The following JARID2 variants were observed in gnomAD, a reference collection of about 807,000 sequenced individuals.
JARID2 encodes protein Jumonji.
A neutral mutation model predicts 125.6 loss-of-function variants in JARID2; 21 were observed. That is an observed-to-expected ratio of 0.17 (90% CI 0.12 to 0.24). JARID2 has a LOEUF of 0.24. Among genes scored for constraint, JARID2 ranks in the 10% least tolerant of loss-of-function variants. The pLI, the probability that JARID2 is intolerant of heterozygous loss-of-function variation, is 1.00. For missense variants in JARID2, 1,303 were observed against 1,639.6 expected (o/e 0.79, Z 3.55); for synonymous variants, 736 against 661.6 (o/e 1.11, Z -1.73).
chr6:15,374,273 T>C lies in JARID2; in HGVS notation c.181+21T>C. ...GAATGGTGAGTTGACTCTTGGAATA[T>C]CTCATTGGAATGTACAATATCTCTG... On this transcript the variant is annotated intron_variant, in intron 2 of 17. Coordinates refer to ENST00000341776, the MANE Select transcript of JARID2 (RefSeq NM_004973.4). The C allele has an allele frequency of 1.9e-6, 3 of 1,612,496 alleles. No homozygotes were observed. The Admixed American group carries it at 5.0e-5, about 27-fold the overall frequency.
In JARID2 at chr6:15,421,411, TAAAA is replaced by T. The variant is rs561366543; in HGVS notation, c.323+11056_323+11059del. ...CTTTTCATTTAGTTTTGTTAGTCTT[TAAAA>T]AAAAAAAAAGGTGAACAGCGTAAGT... On this transcript the variant is annotated intron_variant, in intron 3 of 17. Transcript: ENST00000341776. 9.3e-3 allele frequency among the ~76,000 whole-genome samples: 1,302 copies of T among 139,320 alleles called. 24 individuals carry two copies. The highest frequency in any genetic ancestry group is 0.032 in the African/African-American group (1,224 of 38,104). 91.4% of individuals were successfully genotyped at this position (139,320 alleles called of 152,430 possible).
At chr6:15,355,213 T>TTTTAA (rs200555711) in intron 1 of JARID2, among the ~76,000 whole-genome samples, 10 of 152,176 alleles carry the variant, frequency 6.6e-5, no homozygotes, top group African/African-American at 2.4e-4. Context: ...ATAAGCTACT[T>TTTTAA]TTTAATTTAA....
chr6:15,458,695 A>T (rs1768306972), intron 4 of JARID2, among the ~76,000 whole-genome samples: 1 of 152,246 alleles, frequency 6.6e-6, no homozygotes, highest in South Asian at 2.1e-4. Context: ...TGTACCCATT[A>T]AAGCAGGAAG....
chr6:15,420,220 T>C (rs1326375583), intron 3 of JARID2, among the ~76,000 whole-genome samples: 6 of 152,096 alleles, frequency 3.9e-5, no homozygotes, highest in African/African-American at 1.4e-4. Flanking sequence ...CTGGCCAACA[T>C]GGTGAAACCC....
chr6:15,314,034 G>T (rs1044925104), intron 1 of JARID2, among the ~76,000 whole-genome samples: 1 of 152,126 alleles, frequency 6.6e-6, no homozygotes, highest in Admixed American at 6.5e-5. Flanking sequence ...AAGGCCCAAG[G>T]TGTCCTGATG....
chr6:15,451,964 G>C (rs1325116232), intron 3 of JARID2, 42 bp from the exon 4 acceptor site: 3 of 1,600,072 alleles, frequency 1.9e-6, no homozygotes, highest in African/African-American at 2.7e-5. Context: ...ATATCCTCCA[G>C]TCTCTGCTTA....
Position 15,327,528 on chromosome 6 carries a change from A to AGTGT in JARID2, c.46-46569_46-46566dup, listed in dbSNP as rs10577382. On this transcript the variant is annotated intron_variant, in intron 1 of 17. Transcript: ENST00000341776. ...GCTGCCATCCCTTCCATTCTGGAAG[A>AGTGT]GTGTGTGTGTGTGTGTGTGTGTGCG... Among the ~76,000 whole-genome samples, 1,112 of 149,362 alleles carry AGTGT rather than the reference A, an allele frequency of 7.4e-3. 7 individuals are homozygous for AGTGT. Among genetic ancestry groups the AGTGT allele is most frequent in the African/African-American group, 0.025 (1,008 of 40,626 alleles).
chr6:15,436,399 C>T (rs1252878168), intron 3 of JARID2, among the ~76,000 whole-genome samples: 1 of 152,232 alleles, frequency 6.6e-6, no homozygotes, highest in Non-Finnish European at 1.5e-5. Flanking sequence ...TCTCCACAAC[C>T]AGCCGCTTGT....
At chr6:15,449,925 G>A (rs1372115006) in intron 3 of JARID2, among the ~76,000 whole-genome samples, 1 of 152,130 alleles carries the variant, frequency 6.6e-6, no homozygotes, top group Non-Finnish European at 1.5e-5. Context: ...TAACATTGTA[G>A]TACTTTATAT....
At chr6:15,323,987 C>A (rs1238413029) in intron 1 of JARID2, among the ~76,000 whole-genome samples, 1 of 151,520 alleles carries the variant, frequency 6.6e-6, no homozygotes, top group Non-Finnish European at 1.5e-5. Flanking sequence ...TCGAGACCAT[C>A]CTGGCTAACA....
intron 4 of JARID2, among the ~76,000 whole-genome samples, chr6:15,458,963 C>T (rs1311041991): frequency 1.3e-5 from 2 of 152,202 alleles, no homozygotes; most frequent in African/African-American, 2.4e-5. Flanking sequence ...CATCATAATA[C>T]ACCTATGAGG....
rs577109150 is a variant in JARID2, at chr6:15,354,647, C to T, written c.46-19470C>T. Among the ~76,000 whole-genome samples the T allele has an allele frequency of 6.6e-5, 10 of 152,176 alleles. No homozygotes were observed. In the South Asian group the frequency reaches 1.9e-3, roughly 28 times the overall value. ...TTAACATTCCCCAAGATCATAGAGC[C>T]AGTAAACAGCTGGGATTTGAACCCA... On this transcript the variant is annotated intron_variant, in intron 1 of 17. Coordinates refer to ENST00000341776, the MANE Select transcript of JARID2 (RefSeq NM_004973.4).
At chr6:15,418,817 G>GA (rs1411562154) in intron 3 of JARID2, among the ~76,000 whole-genome samples, 1 of 152,184 alleles carries the variant, frequency 6.6e-6, no homozygotes, top group Non-Finnish European at 1.5e-5. Context: ...AAGACATGTT[G>GA]AAAGTGGTGA....
intron 17 of JARID2, among the ~76,000 whole-genome samples, chr6:15,519,314 GC>G (rs1771717825): frequency 6.6e-6 from 1 of 152,102 alleles, no homozygotes; most frequent in Admixed American, 6.5e-5. Flanking sequence ...CGTGTGGACC[GC>G]CCCGCCTTCC....
intron 3 of JARID2, among the ~76,000 whole-genome samples, chr6:15,447,038 C>A (rs1767701913): frequency 6.6e-6 from 1 of 152,166 alleles, no homozygotes; most frequent in African/African-American, 2.4e-5. Context: ...ACCAGCCTTT[C>A]TTATTTCCCC....
At chr6:15,382,227 C>T (rs1764617401) in intron 2 of JARID2, among the ~76,000 whole-genome samples, 1 of 152,308 alleles carries the variant, frequency 6.6e-6, no homozygotes, top group African/African-American at 2.4e-5. Context: ...CGCACCACTG[C>T]ACTCCAGCCT....
chr6:15,369,336 A>C (rs747081315), intron 1 of JARID2: 2 of 459,276 alleles, frequency 4.4e-6, no homozygotes, highest in Admixed American at 4.7e-5. Context: ...GACCATATAC[A>C]AGTTTGATTC....
chr6:15,308,027 C>T (rs932281321), intron 1 of JARID2, among the ~76,000 whole-genome samples: 1 of 152,198 alleles, frequency 6.6e-6, no homozygotes. Flanking sequence ...CCATTCTAAT[C>T]TTGATGCACA....
intron 2 of JARID2, among the ~76,000 whole-genome samples, chr6:15,376,550 T>C (rs1764362393): frequency 6.6e-6 from 1 of 151,982 alleles, no homozygotes; most frequent in South Asian, 2.1e-4. Context: ...ACCCTGTCTT[T>C]CCAAATAATA....
Sources: allele counts gnomAD v4.1 joint callset (sites outside exome capture counted in the v4.1 genomes callset), GRCh38; gene constraint gnomAD v4.1.1; transcripts MANE v1.5; gene names NCBI Gene and HGNC (gene_info 2026-07-23, HGNC 2026-07-21).